Variants in CDH13 observed in about 807,000 individuals in gnomAD.
CDH13 encodes cadherin 13.
In CDH13, 24 loss-of-function variants were observed where a neutral mutation model predicts 63.8. The observed-to-expected ratio is 0.38, with a 90% confidence interval of 0.27 to 0.53. The LOEUF is 0.53. Ranked by LOEUF, CDH13 falls within the 20% of genes least tolerant of loss-of-function variation. CDH13 has a pLI of 0.85. For synonymous variants in CDH13, 503 were observed against 355.3 expected (o/e 1.42, Z -4.67); for missense variants, 1,049 against 903.1 (o/e 1.16, Z -2.07).
chr16:82,952,126 C>T (rs575917019), intron 2 of CDH13, among the ~76,000 whole-genome samples: 2 of 152,308 alleles, frequency 1.3e-5, no homozygotes, highest in Admixed American at 6.5e-5. Context: ...ACTCAGACAA[C>T]GTGACTCCTT....
At chr16:83,609,799 G>A (rs1233407619) in intron 8 of CDH13, among the ~76,000 whole-genome samples, 3 of 152,054 alleles carry the variant, frequency 2.0e-5, no homozygotes, top group Non-Finnish European at 4.4e-5. Flanking sequence ...CAGAGTTGTC[G>A]AATTATCATT....
intron 12 of CDH13, among the ~76,000 whole-genome samples, chr16:83,780,506 A>G (rs915808440): frequency 1.3e-5 from 2 of 152,164 alleles, no homozygotes; most frequent in African/African-American, 2.4e-5. Context: ...TAACTCCAAT[A>G]TTCTATCTTT....
intron 2 of CDH13, among the ~76,000 whole-genome samples, chr16:82,913,131 T>C (rs1356980936): frequency 6.6e-6 from 1 of 152,136 alleles, no homozygotes; most frequent in African/African-American, 2.4e-5. Flanking sequence ...ATTTTTTTCT[T>C]AAAAAACTCA....
At chr16:83,152,112 T>C (rs1007270035) in intron 4 of CDH13, among the ~76,000 whole-genome samples, 11 of 152,226 alleles carry the variant, frequency 7.2e-5, no homozygotes, top group African/African-American at 2.7e-4. Context: ...CTGAAGTCTC[T>C]GTTGCATGAG....
chr16:82,741,427 C>T (rs1389340381), intron 1 of CDH13, among the ~76,000 whole-genome samples: 1 of 152,198 alleles, frequency 6.6e-6, no homozygotes, highest in Non-Finnish European at 1.5e-5. Flanking sequence ...TTTCTGTTTC[C>T]TTATCTGTGG....
intron 7 of CDH13, among the ~76,000 whole-genome samples, chr16:83,535,483 G>A (rs556666778): frequency 6.6e-6 from 1 of 152,342 alleles, no homozygotes; most frequent in South Asian, 2.1e-4. Flanking sequence ...GCAAAGGTTA[G>A]TGTGTGACCG....
intron 1 of CDH13, among the ~76,000 whole-genome samples, chr16:82,695,482 T>C (rs2030167540): frequency 6.6e-6 from 1 of 152,182 alleles, no homozygotes; most frequent in Non-Finnish European, 1.5e-5. Context: ...GTGGCTCCAA[T>C]GGTGAGCAGG....
chr16:83,443,735 A>AAATATAT (rs2072565933), intron 6 of CDH13, among the ~76,000 whole-genome samples: 5 of 20,126 alleles, frequency 2.5e-4, no homozygotes, highest in African/African-American at 5.8e-4. Context: ...AAAAAAAAAA[A>AAATATAT]ATATATATAT....
chr16:83,094,506 A>C (rs1434904120), intron 3 of CDH13, among the ~76,000 whole-genome samples: 1 of 152,168 alleles, frequency 6.6e-6, no homozygotes, highest in Non-Finnish European at 1.5e-5. Flanking sequence ...CTGAGGTCTT[A>C]TGCCTCCACA....
At chr16:83,119,530 C>T (rs1292154581) in intron 3 of CDH13, among the ~76,000 whole-genome samples, 10 of 152,176 alleles carry the variant, frequency 6.6e-5, no homozygotes, top group African/African-American at 1.9e-4. Context: ...CCCTCCTTTA[C>T]GCTGATCTTC....
rs559969008 is a variant in CDH13 at position 83,450,927 on chromosome 16, T to C, written c.782-35550T>C. ...TGATGTAAAACAGTAGTTCTCAGCCTTGTGTGTGCGTCGGCATCCCCTGGA... is the reference window on the plus strand; with the variant it reads ...TGATGTAAAACAGTAGTTCTCAGCCCTGTGTGTGCGTCGGCATCCCCTGGA... On this transcript the variant is annotated intron_variant, in intron 6 of 13. Transcript: ENST00000567109. 3.3e-5 allele frequency among the ~76,000 whole-genome samples: 5 copies of C among 152,178 alleles called. No individual in the cohort carries two copies. The South Asian group carries it at 1.0e-3, about 32-fold the overall frequency.
chr16:82,825,782 G>T (rs2038218589), intron 1 of CDH13: 1 of 147,234 alleles, frequency 6.8e-6, no homozygotes, highest in Non-Finnish European at 1.5e-5. Context: ...CCTGAGCTCA[G>T]GTGATCCACC....
chr16:83,086,510 G>A (rs763413247), intron 3 of CDH13, among the ~76,000 whole-genome samples: 20 of 152,168 alleles, frequency 1.3e-4, no homozygotes, highest in Non-Finnish European at 2.5e-4. Flanking sequence ...ATCAAGGATT[G>A]AGCCAAGCGG....
At position 83,654,930 on chromosome 16, in the gene CDH13, T is replaced by G. The variant is rs530993516; in HGVS notation, c.1102-15860T>G. The G allele has an allele frequency of 5.9e-5, 9 of 152,398 alleles. No individual in the cohort carries two copies. The East Asian group carries it at 1.7e-3, about 29-fold the overall frequency. The allele number at this position is 152,398 out of a possible 1,614,324, so 9.4% of individuals were successfully genotyped here. A position where few individuals can be genotyped will look rare whatever the true frequency, so the allele number is the denominator to read the frequency against. On this transcript the variant is annotated intron_variant, in intron 8 of 13. Transcript: ENST00000567109. ...GCGGGCTGCTCCCTGGGGCACGTGT[T>G]CTCAGTCCACCAGTGGGCCATGCCG...
chr16:83,309,611 G>A (rs180807523), intron 5 of CDH13, among the ~76,000 whole-genome samples: 131 of 152,214 alleles, frequency 8.6e-4, no homozygotes, highest in African/African-American at 2.9e-3. Flanking sequence ...TCCTGACCTC[G>A]TGATCCACCC....
At chr16:83,655,231 C>T (rs1306900659) in intron 8 of CDH13, 1 of 152,246 alleles carries the variant, frequency 6.6e-6, no homozygotes, top group Non-Finnish European at 1.5e-5. Context: ...CTTTGGATAG[C>T]AGGTACCCAC....
At chr16:83,380,403 C>T (rs1217368669) in intron 6 of CDH13, among the ~76,000 whole-genome samples, 2 of 152,084 alleles carry the variant, frequency 1.3e-5, no homozygotes, top group Non-Finnish European at 2.9e-5. Flanking sequence ...CCCATTCATT[C>T]TATTTTTGCT....
At chr16:83,081,713 G>C (rs1298060543) in intron 3 of CDH13, among the ~76,000 whole-genome samples, 1 of 152,096 alleles carries the variant, frequency 6.6e-6, no homozygotes, top group Admixed American at 6.6e-5. Flanking sequence ...GAGAAAGAGA[G>C]AGAGAGAAAG....
chr16:83,760,949 G>C (rs1913919037), intron 11 of CDH13, among the ~76,000 whole-genome samples: 1 of 152,178 alleles, frequency 6.6e-6, no homozygotes. Context: ...AGTGATAAGA[G>C]TTCTACATAA....
Sources: gnomAD v4.1 joint callset for allele counts (sites outside exome capture counted in the v4.1 genomes callset) on GRCh38, gnomAD v4.1.1 for gene constraint, MANE v1.5 for transcripts, NCBI Gene and HGNC (gene_info 2026-07-23, HGNC 2026-07-21) for gene names.